The following ZNRF3 variants were observed in gnomAD, a reference collection of about 807,000 sequenced individuals.
ZNRF3 encodes the protein zinc and ring finger 3.
Under a neutral mutation model 72.5 loss-of-function variants are expected in ZNRF3, and 23 were observed. That is an observed-to-expected ratio of 0.32 (90% CI 0.23 to 0.45). The LOEUF (loss-of-function observed/expected upper bound fraction) is 0.45. Ranked by LOEUF, ZNRF3 falls within the 20% of genes least tolerant of loss-of-function variation. The pLI is 1.00. For missense variants in ZNRF3, 1,169 were observed against 1,272.1 expected, an observed-to-expected ratio of 0.92 and a Z score of 1.23; for synonymous variants, 610 against 545.3, an observed-to-expected ratio of 1.12 and a Z score of -1.65.
At chr22:28,898,005 C>T (rs546566613) in intron 1 of ZNRF3, among the ~76,000 whole-genome samples, 8 of 152,150 alleles carry the variant, frequency 5.3e-5, no homozygotes, top group Admixed American at 6.5e-5. Flanking sequence ...TGCAGTGGCA[C>T]GATCTCATCT....
intron 4 of ZNRF3, among the ~76,000 whole-genome samples, 187 bp downstream of exon 4, chr22:29,043,617 T>C (rs1269508073): frequency 6.6e-6 from 1 of 152,208 alleles, no homozygotes; most frequent in Non-Finnish European, 1.5e-5. Flanking sequence ...TTATAGTGAA[T>C]TTGAGAAATC....
intron 8 of ZNRF3, among the ~76,000 whole-genome samples, chr22:29,051,744 T>C (rs2037210613): frequency 6.6e-6 from 1 of 151,418 alleles, no homozygotes; most frequent in African/African-American, 2.4e-5. Flanking sequence ...CCATCTCTAC[T>C]AAAATACAAA....
intron 2 of ZNRF3, among the ~76,000 whole-genome samples, chr22:29,032,313 C>A (rs1223128646): frequency 6.6e-6 from 1 of 152,172 alleles, no homozygotes; most frequent in Non-Finnish European, 1.5e-5. Context: ...ATGGATGGAA[C>A]AAACACTGCA....
In ZNRF3 at chr22:29,049,503, C is replaced by T. The variant is rs776552725; in HGVS notation, c.1322C>T (p.Ser441Phe). Residue 441 changes from serine (S) to phenylalanine (F), a missense_variant, in exon 8 of 9, where the codon TCC becomes TTC. By Grantham distance (155) the Ser-to-Phe change is radical (BLOSUM62 -2). Around this residue, in one of 2 missense-constraint regions of ZNRF3, gnomAD observed 783 missense variants for 731.4 expected, o/e 1.07. Transcript: ENST00000544604. This position sits in a 1 kb window ranked among gnomAD's most constrained non-coding sequence, Gnocchi z 5.2. ...TGCGGCCTGGAGCACCGGGCCTACT[C>T]CCCAGCCCACCCCTTCCGCAGGCCC... ...HRCGLEHRAYSPAHPFRRPKL... is the reference protein window; with the variant it reads ...HRCGLEHRAYFPAHPFRRPKL... 9 of 1,604,602 alleles carry T rather than the reference C, an allele frequency of 5.6e-6. No homozygotes were observed. Among genetic ancestry groups the T allele is most frequent in the Non-Finnish European group, 7.6e-6 (9 of 1,179,406 alleles).
intron 1 of ZNRF3, among the ~76,000 whole-genome samples, chr22:28,972,858 A>C (rs1419026409): frequency 1.3e-5 from 2 of 152,154 alleles, no homozygotes; most frequent in African/African-American, 4.8e-5. Flanking sequence ...GCTTGTTGAC[A>C]TTTGCATATC....
rs372598723 is a variant in ZNRF3 at position 28,987,150 on chromosome 22, G to A, written c.375G>A (p.Lys125=). ...AATATGGCTGGGTAGGAGTGGTGAA[G>A]CTGGAACAGCCAGAATTGGACCCGA... ...LYEYGWVGVV[K]LEQPELDPKP... Residue 125 remains lysine, a synonymous_variant, in exon 2 of 9, where the codon AAG becomes AAA. Coordinates refer to ENST00000544604, the MANE Select transcript of ZNRF3 (RefSeq NM_001206998.2). 10 of 1,613,864 alleles carry A rather than the reference G, an allele frequency of 6.2e-6. No individual in the cohort carries two copies. Among genetic ancestry groups the A allele is most frequent in the African/African-American group, 4.0e-5 (3 of 74,934 alleles).
intron 1 of ZNRF3, among the ~76,000 whole-genome samples, chr22:28,937,551 G>A (rs954593305): frequency 3.3e-5 from 5 of 152,164 alleles, no homozygotes; most frequent in African/African-American, 9.7e-5. Flanking sequence ...CTAGAACCGT[G>A]TTCTCAAACT....
intron 1 of ZNRF3, among the ~76,000 whole-genome samples, chr22:28,913,916 C>T (rs1259285872): frequency 2.6e-5 from 4 of 151,986 alleles, no homozygotes; most frequent in East Asian, 1.9e-4. Flanking sequence ...ATAGAGGAGT[C>T]CCCCCGACCC....
chr22:29,000,055 C>T (rs754728054), intron 2 of ZNRF3, among the ~76,000 whole-genome samples: 12 of 152,222 alleles, frequency 7.9e-5, no homozygotes, highest in Non-Finnish European at 1.2e-4. Flanking sequence ...AATCAAGCAT[C>T]AGGCTCTCTG....
chr22:28,917,102 G>C (rs745554201), intron 1 of ZNRF3, among the ~76,000 whole-genome samples: 3 of 152,136 alleles, frequency 2.0e-5, no homozygotes. Flanking sequence ...TCATCTGCCT[G>C]CCACTGTGTG....
At chr22:28,998,834 T>C (rs1003876485) in intron 2 of ZNRF3, among the ~76,000 whole-genome samples, 2 of 152,176 alleles carry the variant, frequency 1.3e-5, no homozygotes, top group African/African-American at 2.4e-5. Context: ...GAACAAATAA[T>C]GTGTCTGTCA....
At chr22:28,897,413 C>T (rs1444770550) in intron 1 of ZNRF3, among the ~76,000 whole-genome samples, 6 of 152,194 alleles carry the variant, frequency 3.9e-5, no homozygotes, top group Non-Finnish European at 8.8e-5. Flanking sequence ...CTCTGCCTCA[C>T]GGGCTTAAGC....
chr22:28,971,198 G>GT (rs569851625), intron 1 of ZNRF3, among the ~76,000 whole-genome samples: 256 of 145,672 alleles, frequency 1.8e-3, no homozygotes, highest in South Asian at 9.0e-3. Flanking sequence ...CTAAAAAAAT[G>GT]TTTTTTTTTT....
intron 2 of ZNRF3, among the ~76,000 whole-genome samples, chr22:29,006,213 CT>C (rs372438825): frequency 0.44 from 46,560 of 105,976 alleles, 8,726 homozygotes; most frequent in South Asian, 0.51. Flanking sequence ...TCATCCGTTT[CT>C]TTTTTTTTTT....
intron 1 of ZNRF3, among the ~76,000 whole-genome samples, chr22:28,905,374 A>G (rs2034186590): frequency 6.6e-6 from 1 of 152,210 alleles, no homozygotes; most frequent in Admixed American, 6.5e-5. Flanking sequence ...CAGGAAATTC[A>G]GATAGACAGA....
At chr22:29,053,552 CT>C in intron 8 of ZNRF3, 26 bp from the exon 9 acceptor site, 1 of 1,612,982 alleles carries the variant, frequency 6.2e-7, no homozygotes, top group South Asian at 1.1e-5. Flanking sequence ...GCTCCCTCCC[CT>C]GATGATTGTT....
At chr22:28,957,204 G>A (rs1381455297) in intron 1 of ZNRF3, among the ~76,000 whole-genome samples, 1 of 152,166 alleles carries the variant, frequency 6.6e-6, no homozygotes, top group African/African-American at 2.4e-5. Context: ...TTGTAGTCCT[G>A]AGATTTTACT....
At chr22:28,932,808 A>T (rs2034731102) in intron 1 of ZNRF3, among the ~76,000 whole-genome samples, 2 of 152,162 alleles carry the variant, frequency 1.3e-5, no homozygotes, top group South Asian at 4.1e-4. Context: ...TCTGCACTTG[A>T]TCTCAGCTAA....
At chr22:28,897,224 GTC>G (rs2034014356) in intron 1 of ZNRF3, among the ~76,000 whole-genome samples, 1 of 152,208 alleles carries the variant, frequency 6.6e-6, no homozygotes, top group Non-Finnish European at 1.5e-5. Context: ...AGCTGCCCCA[GTC>G]TCTCATTGTT....
Sources: gnomAD v4.1 joint callset for allele counts (sites outside exome capture counted in the v4.1 genomes callset) on GRCh38, gnomAD v4.1.1 for gene constraint, gnomAD v4.1.1 regional missense constraint, Gnocchi (gnomAD v3.1) non-coding constraint, MANE v1.5 for transcripts, NCBI Gene and HGNC (gene_info 2026-07-23, HGNC 2026-07-21) for gene names.